The following POFUT2 variants were observed in gnomAD, a reference collection of about 807,000 sequenced individuals.
POFUT2 encodes the protein protein O-fucosyltransferase 2.
In POFUT2, 30 loss-of-function variants were observed where a neutral mutation model predicts 55.0. The observed-to-expected ratio is 0.55, with a 90% CI of 0.41 to 0.74. POFUT2 has a LOEUF of 0.74. Ranked by LOEUF, POFUT2 falls within the 30% of genes least tolerant of loss-of-function variation. The probability of loss-of-function intolerance (pLI) is 0.00; values close to 1 mark genes in which losing one functional copy is unlikely to be tolerated. For missense variants in POFUT2, 524 were observed against 562.6 expected (o/e 0.93, Z 0.69); for synonymous variants, 267 against 231.1 (o/e 1.16, Z -1.41).
Position 45,282,404 on chromosome 21 carries a change from C to T in POFUT2, c.583G>A (p.Val195Ile), listed in dbSNP as rs139098095. 1,200 of 1,613,612 alleles carry T rather than the reference C, an allele frequency of 7.4e-4. 2 individuals carry two copies. Among genetic ancestry groups the T allele is most frequent in the Non-Finnish European group, 8.4e-4 (990 of 1,179,858 alleles). The change falls in exon 4 of 9, where the codon GTC (valine) becomes ATC (isoleucine). Residue 195 changes from valine to isoleucine, a missense_variant. Physicochemically the swap from Val to Ile is conservative, Grantham distance 29. This residue lies in a region of POFUT2 where 250 missense variants were observed against 318.2 expected (regional missense o/e 0.79). Transcript: ENST00000349485. The surrounding 1 kb of genome is among the most constrained non-coding windows in gnomAD (Gnocchi z 4.6). The stretch of plus-strand genomic sequence containing the variant: ...GCCACGATGGAGGCTGAGCCCTGGA[C>T]GGACAGACAGGAGACGTTTAGACCC... The part of the protein sequence containing the change: ...TRGLNVSCLS[V>I]QGSASIVAPL...
chr21:45,266,062 A>G, intron 8 of POFUT2: 1 of 1,242,696 alleles, frequency 8.0e-7, no homozygotes, highest in Non-Finnish European at 1.0e-6. Context: ...CCTTATCCTG[A>G]GGCACAGTAG....
At position 45,282,531 on chromosome 21, in the gene POFUT2, C is replaced by G; in HGVS notation, c.528-72G>C. On this transcript the variant is annotated intron_variant, in intron 3 of 8. Transcript: ENST00000349485. This position sits in a 1 kb window ranked among gnomAD's most constrained non-coding sequence, Gnocchi z 4.6. Reference sequence around the variant, plus strand: ...ACAAGGAAAACAAATCAAGTCTAGACACGCACACACTGTGGCTTGCTCCTG... The same window carrying G: ...ACAAGGAAAACAAATCAAGTCTAGAGACGCACACACTGTGGCTTGCTCCTG... The G allele has an allele frequency of 5.9e-6, 5 of 852,808 alleles. No individual in the cohort carries two copies. Among genetic ancestry groups the G allele is most frequent in the Non-Finnish European group, 9.9e-6 (5 of 505,038 alleles). The allele number at this position is 852,808 out of a possible 1,614,324, so 52.8% of individuals were successfully genotyped here.
Position 45,282,273 on chromosome 21 carries a change from G to A in POFUT2, c.638+76C>T, listed in dbSNP as rs2030768556. The A allele has an allele frequency of 1.0e-6, 1 of 961,736 alleles. No individual in the cohort carries two copies. The highest frequency in any genetic ancestry group is 1.6e-6 in the Non-Finnish European group (1 of 607,138). The allele number at this position is 961,736 out of a possible 1,614,324, so 59.6% of individuals were successfully genotyped here. A position where few individuals can be genotyped will look rare whatever the true frequency, so the allele number is the denominator to read the frequency against. On this transcript the variant is annotated intron_variant, in intron 4 of 8. Transcript: ENST00000349485. This position sits in a 1 kb window ranked among gnomAD's most constrained non-coding sequence, Gnocchi z 4.6. ...GGCCAGGGATGCGGGAGTATGGGCG[G>A]AGAGCCCCCAGCCCAGCATGCACGG... is the stretch of plus-strand genomic sequence containing the variant.
chr21:45,271,915 A>C (rs1219651802), intron 6 of POFUT2, among the ~76,000 whole-genome samples: 1 of 152,252 alleles, frequency 6.6e-6, no homozygotes, highest in Non-Finnish European at 1.5e-5. Flanking sequence ...TCTTGAAACA[A>C]AACCTCAAAA....
chr21:45,286,405 T>C (rs1184196465), intron 1 of POFUT2, among the ~76,000 whole-genome samples: 1 of 152,206 alleles, frequency 6.6e-6, no homozygotes, highest in Non-Finnish European at 1.5e-5. Flanking sequence ...TTTTAAAAAA[T>C]GAATTAGAAG....
At position 45,277,912 on chromosome 21, in the gene POFUT2, G is replaced by A. The variant is rs536299623; in HGVS notation, c.705+191C>T. On this transcript the variant is annotated intron_variant, in intron 5 of 8. Coordinates refer to ENST00000349485, the MANE Select transcript of POFUT2 (RefSeq NM_133635.6). The surrounding 1 kb of genome is among the most constrained non-coding windows in gnomAD (Gnocchi z 6.9). ...GAGCTGGGTGGCCCTGCGGGCTCCC[G>A]AGGACCTGGCTCTGCAGCCACGTGA... The A allele has an allele frequency of 1.1e-5, 7 of 642,280 alleles. No individual in the cohort carries two copies. Among genetic ancestry groups the A allele is most frequent in the South Asian group, 5.4e-5 (3 of 55,112 alleles). The allele number at this position is 642,280 out of a possible 1,614,324, so 39.8% of individuals were successfully genotyped here.
chr21:45,272,624 C>T (rs892108672), intron 6 of POFUT2, among the ~76,000 whole-genome samples: 1 of 152,116 alleles, frequency 6.6e-6, no homozygotes, highest in African/African-American at 2.4e-5. Context: ...GCATATGGAA[C>T]GTTATCCAAG....
Position 45,267,060 on chromosome 21 carries a change from C to G in POFUT2, c.1136+530G>C. The G allele has an allele frequency of 3.6e-6, 4 of 1,109,210 alleles. No individual in the cohort carries two copies. The highest frequency in any genetic ancestry group is 4.4e-6 in the Non-Finnish European group (4 of 903,936). 68.7% of individuals were successfully genotyped at this position (1,109,210 alleles called of 1,614,324 possible). On this transcript the variant is annotated intron_variant, in intron 8 of 8. Transcript: ENST00000349485. This position sits in a 1 kb window ranked among gnomAD's most constrained non-coding sequence, Gnocchi z 4.4. ...CCCACGAGAATGATCACACGAGGGC[C>G]CACGCTCCCGGCCTCGGGGACGCTC...
In POFUT2 at chr21:45,282,173, G is replaced by A. The variant is rs1230614441; in HGVS notation, c.638+176C>T. 2.6e-5 allele frequency among the ~76,000 whole-genome samples: 4 copies of A among 152,088 alleles called. No homozygotes were observed. The highest frequency in any genetic ancestry group is 1.3e-4 in the Admixed American group (2 of 15,268). On this transcript the variant is annotated intron_variant, in intron 4 of 8. Coordinates refer to ENST00000349485, the MANE Select transcript of POFUT2 (RefSeq NM_133635.6). The surrounding 1 kb of genome is among the most constrained non-coding windows in gnomAD (Gnocchi z 4.6). ...CCCACTGCACCCACTGGGCTGTTTCGCAGAGACACATGCAAGCACTTCCCT... is the reference window on the plus strand; with the variant it reads ...CCCACTGCACCCACTGGGCTGTTTCACAGAGACACATGCAAGCACTTCCCT...
intron 8 of POFUT2, chr21:45,266,330 C>T (rs1207951424): frequency 4.4e-6 from 6 of 1,354,586 alleles, no homozygotes; most frequent in Middle Eastern, 2.1e-4. Flanking sequence ...GGCCTGTATG[C>T]TGCTGCGGGG....
intron 8 of POFUT2, chr21:45,266,508 T>C (rs2093156229): frequency 9.2e-7 from 1 of 1,092,292 alleles, no homozygotes; most frequent in Non-Finnish European, 1.1e-6. Flanking sequence ...GCAGGCTTCC[T>C]GGGCTGCGGA....
rs1449443793 is a variant in POFUT2 at position 45,270,966 on chromosome 21, G to A, written c.832-947C>T. The stretch of plus-strand genomic sequence containing the variant: ...GAGAAGCAGGCAGAAAAGCAATTGT[G>A]ATAATATGACAAAACAAGGTTCTAT... On this transcript the variant is annotated intron_variant, in intron 6 of 8. Coordinates refer to ENST00000349485, the MANE Select transcript of POFUT2 (RefSeq NM_133635.6). This position sits in a 1 kb window ranked among gnomAD's most constrained non-coding sequence, Gnocchi z 4.6. Among the ~76,000 whole-genome samples, 2 of 152,170 alleles carry A rather than the reference G, an allele frequency of 1.3e-5. No homozygotes were observed. The highest frequency in any genetic ancestry group is 2.9e-5 in the Non-Finnish European group (2 of 68,026).
chr21:45,286,610 C>G (rs1404162800), intron 1 of POFUT2, among the ~76,000 whole-genome samples: 1 of 152,236 alleles, frequency 6.6e-6, no homozygotes, highest in Non-Finnish European at 1.5e-5. Context: ...GCTACAAAAG[C>G]TCAGAGATCC....
intron 2 of POFUT2, among the ~76,000 whole-genome samples, chr21:45,283,881 G>A (rs150745631): frequency 7.4e-4 from 113 of 152,254 alleles, no homozygotes; most frequent in Admixed American, 2.5e-3. Context: ...TTGGGGGCTC[G>A]CCCTCCGGCC....
At chr21:45,272,404 A>C (rs939774614) in intron 6 of POFUT2, among the ~76,000 whole-genome samples, 1 of 152,228 alleles carries the variant, frequency 6.6e-6, no homozygotes, top group African/African-American at 2.4e-5. Context: ...CCAAATTTAT[A>C]AAACAATTAC....
At position 45,264,539 on chromosome 21, in the gene POFUT2, T is replaced by C. The variant is rs1434865932; in HGVS notation, c.*943A>G. 1 of 152,286 alleles carries C rather than the reference T, an allele frequency of 6.6e-6. No individual in the cohort carries two copies. Among genetic ancestry groups the C allele is most frequent in the Non-Finnish European group, 1.5e-5 (1 of 68,078 alleles). The allele number at this position is 152,286 out of a possible 1,614,324, so 9.4% of individuals were successfully genotyped here. A position where few individuals can be genotyped will look rare whatever the true frequency, so the allele number is the denominator to read the frequency against. ...AGCTCCCTGATAAAGCAGCTCATCCTAGACAGCCTTTTGGAGTTAGCGTAA... is the reference window on the plus strand; with the variant it reads ...AGCTCCCTGATAAAGCAGCTCATCCCAGACAGCCTTTTGGAGTTAGCGTAA... On this transcript the variant is annotated 3_prime_UTR_variant, in exon 9 of 9. Transcript: ENST00000349485.
intron 3 of POFUT2, 177 bp downstream of exon 3, chr21:45,283,206 G>C: frequency 4.6e-6 from 2 of 431,632 alleles, no homozygotes; most frequent in Non-Finnish European, 4.3e-6. Context: ...CGGCCGGGGG[G>C]AGTGGGGGGT....
At chr21:45,266,469 C>CTG in intron 8 of POFUT2, 1 of 1,141,372 alleles carries the variant, frequency 8.8e-7, no homozygotes, top group Non-Finnish European at 1.1e-6. Context: ...GGGCAGGAGG[C>CTG]TGAGAGCTCA....
intron 7 of POFUT2, among the ~76,000 whole-genome samples, chr21:45,268,916 G>T (rs1453532754): frequency 9.7e-6 from 1 of 103,266 alleles, no homozygotes. Flanking sequence ...AGGTGGGGGG[G>T]TCAGCCCCCC....
Sources: allele counts gnomAD v4.1 joint callset (sites outside exome capture counted in the v4.1 genomes callset), GRCh38; gene constraint gnomAD v4.1.1; regional missense constraint gnomAD v4.1.1; non-coding constraint Gnocchi (gnomAD v3.1); transcripts MANE v1.5; gene names NCBI Gene and HGNC (gene_info 2026-07-23, HGNC 2026-07-21).